Variants in KPNA3 observed in about 807,000 individuals in gnomAD.
KPNA3 encodes the protein karyopherin subunit alpha 3.
In KPNA3, 13 loss-of-function variants were observed where a neutral mutation model predicts 73.8. That is an observed-to-expected ratio of 0.18 (90% confidence interval 0.11 to 0.28). The LOEUF is 0.28. KPNA3 is among the 10% of genes least tolerant of loss of function. The probability of loss-of-function intolerance (pLI) is 1.00; values close to 1 mark genes in which losing one functional copy is unlikely to be tolerated. For synonymous variants in KPNA3, 186 were observed against 206.9 expected, an observed-to-expected ratio of 0.90 and a Z score of 0.87; for missense variants, 360 against 618.1, an observed-to-expected ratio of 0.58 and a Z score of 4.43.
chr13:49,736,603 T>C (rs1030951518), intron 2 of KPNA3, among the ~76,000 whole-genome samples: 1 of 152,206 alleles, frequency 6.6e-6, no homozygotes, highest in African/African-American at 2.4e-5. Flanking sequence ...GGTAACACTT[T>C]GCAAAACTAT....
At chr13:49,761,466 C>T (rs961829658) in intron 1 of KPNA3, among the ~76,000 whole-genome samples, 3 of 152,266 alleles carry the variant, frequency 2.0e-5, no homozygotes, top group Non-Finnish European at 4.4e-5. Context: ...GTCTCCAGCT[C>T]CTAACCGCGA....
At chr13:49,749,812 C>T (rs1183085661) in intron 1 of KPNA3, among the ~76,000 whole-genome samples, 1 of 152,200 alleles carries the variant, frequency 6.6e-6, no homozygotes, top group Non-Finnish European at 1.5e-5. Flanking sequence ...CCGAAAGAAT[C>T]ATATAAATGT....
At chr13:49,713,509 T>C (rs1041066909) in intron 10 of KPNA3, among the ~76,000 whole-genome samples, 1 of 152,054 alleles carries the variant, frequency 6.6e-6, no homozygotes, top group Admixed American at 6.6e-5. Flanking sequence ...ATCAATAAAT[T>C]ACCTAAGTCA....
chr13:49,764,201 T>C (rs1209991055), intron 1 of KPNA3, among the ~76,000 whole-genome samples: 1 of 152,020 alleles, frequency 6.6e-6, no homozygotes, highest in African/African-American at 2.4e-5. Context: ...TCCTCATACT[T>C]CATCAACTCT....
chr13:49,715,385 T>A (rs369414249), intron 10 of KPNA3, among the ~76,000 whole-genome samples: 4 of 152,128 alleles, frequency 2.6e-5, no homozygotes, highest in East Asian at 3.8e-4. Context: ...CAAATTAAAA[T>A]GGCCCTTAAA....
intron 5 of KPNA3, 26 bp downstream of exon 5, chr13:49,732,579 C>A (rs1954480266): frequency 6.4e-7 from 1 of 1,568,616 alleles, no homozygotes; most frequent in African/African-American, 1.4e-5. Context: ...TGACATAATT[C>A]TCTCTCTAGA....
intron 2 of KPNA3, among the ~76,000 whole-genome samples, chr13:49,744,108 T>C (rs1338779238): frequency 1.3e-5 from 2 of 152,164 alleles, no homozygotes; most frequent in African/African-American, 4.8e-5. Flanking sequence ...TATTCTCTTT[T>C]TTGATCCAGG....
At chr13:49,768,493 G>T (rs931591760) in intron 1 of KPNA3, among the ~76,000 whole-genome samples, 3 of 149,098 alleles carry the variant, frequency 2.0e-5, no homozygotes, top group Non-Finnish European at 4.5e-5. Context: ...TTTCATTATG[G>T]TATTTTTGTT....
intron 7 of KPNA3, among the ~76,000 whole-genome samples, chr13:49,723,975 A>G (rs879780296): frequency 3.3e-5 from 5 of 152,142 alleles, no homozygotes; most frequent in Admixed American, 2.0e-4. Context: ...GCAGGCAACC[A>G]TTAAATATCT....
intron 1 of KPNA3, among the ~76,000 whole-genome samples, chr13:49,770,039 G>GCATA (rs1954840316): frequency 1.3e-5 from 2 of 151,906 alleles, no homozygotes; most frequent in Non-Finnish European, 2.9e-5. Context: ...CCTCCTTCAG[G>GCATA]GAACTGTCCA....
intron 1 of KPNA3, among the ~76,000 whole-genome samples, chr13:49,785,253 A>T (rs543018690): frequency 6.6e-6 from 1 of 152,294 alleles, no homozygotes; most frequent in South Asian, 2.1e-4. Context: ...TTTAAACAGG[A>T]AGGTGACAGG....
intron 1 of KPNA3, among the ~76,000 whole-genome samples, chr13:49,764,132 GTTTTGTTTTGTTT>G (rs1954791113): frequency 2.1e-5 from 1 of 46,512 alleles, no homozygotes; most frequent in Non-Finnish European, 5.9e-5. Context: ...GTTTTGTTTT[GTTTTGTTTTGTTT>G]TTTTGAGACA....
At chr13:49,729,843 G>C (rs914866384) in intron 6 of KPNA3, among the ~76,000 whole-genome samples, 8 of 152,234 alleles carry the variant, frequency 5.3e-5, no homozygotes, top group Admixed American at 5.2e-4. Context: ...ACATTGTGTA[G>C]AGTGCTTTGT....
Position 49,729,069 on chromosome 13 carries a change from C to T in KPNA3, c.383+3302G>A, listed in dbSNP as rs574950265. Among the ~76,000 whole-genome samples the T allele has an allele frequency of 6.6e-4, 101 of 152,330 alleles. 1 individual carries two copies. The highest frequency in any genetic ancestry group is 2.4e-4 in the Non-Finnish European group (16 of 68,038). ...GGATAGACAATGGCTGGTAGTATCA[C>T]TTACAAAAGTGTCTTGACCTTGATG... On this transcript the variant is annotated intron_variant, in intron 6 of 16. Transcript: ENST00000261667.
chr13:49,705,570 G>A (rs1471148247), intron 15 of KPNA3, 51 bp downstream of exon 15: 3 of 1,561,582 alleles, frequency 1.9e-6, no homozygotes, highest in Non-Finnish European at 2.6e-6. Context: ...AAGAACTTAT[G>A]TTTCAGAGTT....
At chr13:49,774,616 A>G (rs8002212) in intron 1 of KPNA3, among the ~76,000 whole-genome samples, 6,728 of 152,250 alleles carry the variant, frequency 0.044, 472 homozygotes, top group African/African-American at 0.15. Flanking sequence ...AATATTTACT[A>G]TGTTACCAAA....
chr13:49,728,904 T>C (rs1480315215), intron 6 of KPNA3, among the ~76,000 whole-genome samples: 1 of 152,332 alleles, frequency 6.6e-6, no homozygotes, highest in East Asian at 1.9e-4. Flanking sequence ...CTTACAGTTC[T>C]GATTTGGCCA....
intron 1 of KPNA3, among the ~76,000 whole-genome samples, chr13:49,760,129 G>A (rs772188974): frequency 3.3e-5 from 5 of 152,148 alleles, no homozygotes; most frequent in African/African-American, 1.2e-4. Context: ...GACATGATAA[G>A]ATGTAAAATC....
At chr13:49,766,049 C>T (rs1166650282) in intron 1 of KPNA3, among the ~76,000 whole-genome samples, 1 of 152,166 alleles carries the variant, frequency 6.6e-6, no homozygotes, top group African/African-American at 2.4e-5. Flanking sequence ...ACTGTTTTCA[C>T]CTTATCTGTA....
Sources: gnomAD v4.1 joint callset for allele counts (sites outside exome capture counted in the v4.1 genomes callset) on GRCh38, gnomAD v4.1.1 for gene constraint, MANE v1.5 for transcripts, NCBI Gene and HGNC (gene_info 2026-07-23, HGNC 2026-07-21) for gene names.